STK3: variants seen among roughly 807,000 people sequenced by gnomAD.
STK3 encodes the protein serine/threonine kinase 3, also known as serine/threonine-protein kinase 3.
STK3 carries 41 observed loss-of-function variants against 58.0 expected under a neutral mutation model. That is an observed-to-expected ratio of 0.71 (90% CI 0.55 to 0.92). The LOEUF (loss-of-function observed/expected upper bound fraction) is 0.92, where lower values mean the gene tolerates loss of function less well. Ranked by LOEUF, STK3 falls within the 40% of genes least tolerant of loss-of-function variation. STK3 has a pLI of 0.00. For missense variants in STK3, 479 were observed against 602.7 expected, an observed-to-expected ratio of 0.79 and a Z score of 2.15; for synonymous variants, 170 against 191.0, an observed-to-expected ratio of 0.89 and a Z score of 0.91.
At chr8:98,777,271 T>C (rs1346749020) in intron 1 of STK3, among the ~76,000 whole-genome samples, 1 of 151,770 alleles carries the variant, frequency 6.6e-6, no homozygotes, top group Non-Finnish European at 1.5e-5. Context: ...CTCACGCCTG[T>C]ATTCCAGCAC....
Position 98,764,686 on chromosome 8 carries a change from A to T in STK3, c.236+2557T>A, listed in dbSNP as rs1324050486. Among the ~76,000 whole-genome samples, 4 of 152,234 alleles carry T rather than the reference A, an allele frequency of 2.6e-5. No individual in the cohort carries two copies. In the South Asian group the frequency reaches 6.2e-4, roughly 24 times the overall value. On this transcript the variant is annotated intron_variant, in intron 3 of 10. Coordinates refer to ENST00000419617, the MANE Select transcript of STK3 (RefSeq NM_006281.4). ...TGAGTTGCCCAAACAGAAATTATTA[A>T]ATAGAAGTACTCATTAGTATCTGAG...
At chr8:98,848,213 C>G (rs1836285797) in intron 3 of STK3, among the ~76,000 whole-genome samples, 1 of 151,984 alleles carries the variant, frequency 6.6e-6, no homozygotes, top group Non-Finnish European at 1.5e-5. Context: ...TTCCCTCATC[C>G]CTCCCAGTCC....
intron 6 of STK3, among the ~76,000 whole-genome samples, chr8:98,667,695 C>T (rs1822473085): frequency 6.6e-6 from 1 of 151,976 alleles, no homozygotes; most frequent in Admixed American, 6.6e-5. Flanking sequence ...TGTTTTGAGC[C>T]TATGCTGTTT....
intron 10 of STK3, among the ~76,000 whole-genome samples, chr8:98,465,724 T>A (rs1184444417): frequency 6.6e-6 from 1 of 152,222 alleles, no homozygotes; most frequent in Non-Finnish European, 1.5e-5. Context: ...CACAGTTGGT[T>A]TGGTGCTGTG....
chr8:98,844,795 A>T (rs2131817345), intron 3 of STK3, among the ~76,000 whole-genome samples: 1 of 152,270 alleles, frequency 6.6e-6, no homozygotes, highest in East Asian at 1.9e-4. Flanking sequence ...GTCAATGATT[A>T]TTGCTAGCAT....
chr8:98,711,948 C>A (rs1034353988), intron 4 of STK3, among the ~76,000 whole-genome samples: 1 of 152,184 alleles, frequency 6.6e-6, no homozygotes, highest in East Asian at 1.9e-4. Context: ...GGCAGAAACT[C>A]TACAAGCCAG....
intron 1 of STK3, among the ~76,000 whole-genome samples, chr8:98,805,575 CA>C (rs963241095): frequency 1.3e-5 from 2 of 150,918 alleles, no homozygotes; most frequent in African/African-American, 4.9e-5. Context: ...ACTCCATCTC[CA>C]AAAAATAATA....
intron 1 of STK3, among the ~76,000 whole-genome samples, chr8:98,886,604 T>C (rs1227200820): frequency 2.0e-5 from 3 of 152,240 alleles, no homozygotes; most frequent in Admixed American, 6.5e-5. Flanking sequence ...ACTTTTTCTT[T>C]AGATATTTCA....
At chr8:98,443,635 G>T (rs1415671197) in intron 1 of STK3, among the ~76,000 whole-genome samples, 1 of 152,092 alleles carries the variant, frequency 6.6e-6, no homozygotes, top group Non-Finnish European at 1.5e-5. Context: ...ATCAGTTGAG[G>T]TCAGGAGTTT....
intron 1 of STK3, among the ~76,000 whole-genome samples, chr8:98,901,585 C>T (rs2131953266): frequency 6.6e-6 from 1 of 152,344 alleles, no homozygotes; most frequent in Non-Finnish European, 1.5e-5. Flanking sequence ...GGTTCCCAGG[C>T]TGAAATTCCA....
chr8:98,788,521 C>T (rs1026470594), intron 1 of STK3, among the ~76,000 whole-genome samples: 4 of 151,886 alleles, frequency 2.6e-5, no homozygotes, highest in African/African-American at 7.3e-5. Context: ...CCATCTGCTG[C>T]CTTCAAGAAA....
intron 1 of STK3, among the ~76,000 whole-genome samples, chr8:98,940,517 C>A (rs1436739291): frequency 1.3e-5 from 2 of 152,192 alleles, no homozygotes; most frequent in African/African-American, 4.8e-5. Context: ...CGGAAGGGTG[C>A]CTGCGGCTGG....
intron 3 of STK3, among the ~76,000 whole-genome samples, chr8:98,831,505 C>T (rs1354657808): frequency 6.6e-6 from 1 of 152,208 alleles, no homozygotes; most frequent in Non-Finnish European, 1.5e-5. Context: ...AATCCTCCCA[C>T]CTTAGCCTCC....
intron 8 of STK3, among the ~76,000 whole-genome samples, chr8:98,573,229 T>C (rs1813106892): frequency 1.3e-5 from 2 of 152,214 alleles, no homozygotes; most frequent in African/African-American, 4.8e-5. Context: ...ATTTAGAAAC[T>C]GTTGTATTAG....
chr8:98,592,021 T>G (rs141941801), intron 7 of STK3, among the ~76,000 whole-genome samples: 218 of 152,360 alleles, frequency 1.4e-3, no homozygotes, highest in Admixed American at 3.3e-3. Context: ...GCAACTATTT[T>G]TTTAAACTCA....
chr8:98,718,347 C>A (rs544365623), intron 4 of STK3, among the ~76,000 whole-genome samples: 1 of 152,262 alleles, frequency 6.6e-6, no homozygotes, highest in South Asian at 2.1e-4. Context: ...TAGATGAGAT[C>A]TGAGAGACAG....
chr8:98,748,915 C>T (rs940543075), intron 4 of STK3, among the ~76,000 whole-genome samples: 4 of 151,476 alleles, frequency 2.6e-5, no homozygotes, highest in Admixed American at 6.6e-5. Flanking sequence ...ATTTAAGATA[C>T]GTAAATACCA....
At chr8:98,820,927 G>A (rs1834856309) in intron 1 of STK3, among the ~76,000 whole-genome samples, 2 of 152,102 alleles carry the variant, frequency 1.3e-5, no homozygotes, top group African/African-American at 4.8e-5. Context: ...GCAGTGAGCC[G>A]AGATTGTGCC....
intron 1 of STK3, chr8:98,782,711 TA>T (rs376476007): frequency 0.025 from 2,954 of 116,606 alleles, 44 homozygotes; most frequent in African/African-American, 0.056. Context: ...CTTTATCTGC[TA>T]AAAAAAAAAA....
Sources: gnomAD v4.1 joint callset for allele counts (sites outside exome capture counted in the v4.1 genomes callset) on GRCh38, gnomAD v4.1.1 for gene constraint, MANE v1.5 for transcripts, NCBI Gene and HGNC (gene_info 2026-07-23, HGNC 2026-07-21) for gene names.